CCDC77: variants seen among roughly 807,000 people sequenced by gnomAD.
CCDC77 encodes coiled-coil domain containing 77.
In CCDC77, 56 loss-of-function variants were observed where a neutral mutation model predicts 66.8. The ratio of observed to expected loss-of-function variants is 0.84; its 90% confidence interval spans 0.68 to 1.05. The LOEUF (loss-of-function observed/expected upper bound fraction) is 1.05. Among genes scored for constraint, CCDC77 ranks in the 50% least tolerant of loss-of-function variants. The pLI is 0.00. For missense variants in CCDC77, 570 were observed against 576.8 expected (o/e 0.99, Z 0.12); for synonymous variants, 196 against 195.2 (o/e 1.00, Z -0.03).
Position 438,511 on chromosome 12 carries a change from C to T in CCDC77, c.998C>T (p.Pro333Leu), listed in dbSNP as rs745822490. 1.2e-6 allele frequency: 2 copies of T among 1,613,784 alleles called. No individual in the cohort carries two copies. Among genetic ancestry groups the T allele is most frequent in the African/African-American group, 1.3e-5 (1 of 74,984 alleles). ...GAAGATAAAATTGGAAAAGTGTTGC[C>T]CGTTATGCATGAGAGTCACCATGCT... ...KKEDKIGKVL[P>L]VMHESHHAQS... The change falls in exon 10 of 13, where the codon CCC becomes CTC. Residue 333 changes from proline to leucine, a missense_variant. Pro to Leu is a moderately conservative substitution (Grantham distance 98). Coordinates refer to ENST00000239830, the MANE Select transcript of CCDC77 (RefSeq NM_032358.4).
At chr12:423,005 T>C (rs1945433890) in intron 5 of CCDC77, among the ~76,000 whole-genome samples, 1 of 152,116 alleles carries the variant, frequency 6.6e-6, no homozygotes, top group African/African-American at 2.4e-5. Context: ...GCCATACTAT[T>C]TTCCATAGTG....
At chr12:411,657 TGG>T in intron 3 of CCDC77, 88 bp from the exon 4 acceptor site, 1 of 1,062,014 alleles carries the variant, frequency 9.4e-7, no homozygotes, top group Non-Finnish European at 1.4e-6. Context: ...ATAAGCACTT[TGG>T]GAACACAAAA....
chr12:410,359 C>G (rs1945083292), intron 3 of CCDC77, among the ~76,000 whole-genome samples: 2 of 152,028 alleles, frequency 1.3e-5, no homozygotes, highest in Non-Finnish European at 2.9e-5. Context: ...CGTCTGCCTC[C>G]CAGATTCAAG....
intron 5 of CCDC77, among the ~76,000 whole-genome samples, chr12:427,116 G>A (rs570741881): frequency 3.9e-5 from 6 of 152,090 alleles, no homozygotes; most frequent in Admixed American, 6.5e-5. Flanking sequence ...ATTGTGGCAT[G>A]CGCCTGTAGT....
At chr12:404,066 C>G (rs1478161440) in intron 1 of CCDC77, among the ~76,000 whole-genome samples, 2 of 152,212 alleles carry the variant, frequency 1.3e-5, no homozygotes, top group Non-Finnish European at 2.9e-5. Flanking sequence ...CGCCTGTAAT[C>G]CCAACACTGG....
At chr12:415,284 T>G (rs1000994648) in intron 4 of CCDC77, among the ~76,000 whole-genome samples, 1 of 143,042 alleles carries the variant, frequency 7.0e-6, no homozygotes, top group African/African-American at 2.6e-5. Context: ...TAACATAATA[T>G]TATGTTAATA....
chr12:414,737 C>T (rs962114268), intron 4 of CCDC77, among the ~76,000 whole-genome samples: 1 of 152,132 alleles, frequency 6.6e-6, no homozygotes, highest in Non-Finnish European at 1.5e-5. Flanking sequence ...CTTCCAGTCC[C>T]CCTAAACCGA....
intron 2 of CCDC77, among the ~76,000 whole-genome samples, chr12:408,973 A>T (rs1945049980): frequency 6.6e-6 from 1 of 152,150 alleles, no homozygotes. Flanking sequence ...TGGGAGGCCG[A>T]GGCAGGTGGA....
chr12:406,388 TCTGAA>T (rs1239229608), intron 2 of CCDC77, among the ~76,000 whole-genome samples: 1 of 152,148 alleles, frequency 6.6e-6, no homozygotes, highest in African/African-American at 2.4e-5. Flanking sequence ...GTACGGGGAC[TCTGAA>T]GTAGAAGTGT....
rs111544508 is a variant in CCDC77 at position 409,381 on chromosome 12, A to G, written c.-3A>G. On this transcript the variant is annotated 5_prime_UTR_variant, in exon 3 of 13. Coordinates refer to ENST00000239830, the MANE Select transcript of CCDC77 (RefSeq NM_032358.4). ...TGTATTTGATAGGTGTGAAAAAGAC[A>G]GCATGAACTTTACCCCAACACACAC... 3 of 1,612,912 alleles carry G rather than the reference A, an allele frequency of 1.9e-6. No homozygotes were observed. Among genetic ancestry groups the G allele is most frequent in the Non-Finnish European group, 2.5e-6 (3 of 1,179,426 alleles).
At chr12:436,847 A>G (rs10848974) in intron 9 of CCDC77, 257,089 of 592,730 alleles carry the variant, frequency 0.43, 58,362 homozygotes, top group Non-Finnish European at 0.45. Flanking sequence ...CTTTCAAGCT[A>G]CTTGTATTTT....
At chr12:426,016 A>T (rs1252951793) in intron 5 of CCDC77, among the ~76,000 whole-genome samples, 3 of 152,120 alleles carry the variant, frequency 2.0e-5, no homozygotes, top group Admixed American at 2.0e-4. Context: ...AGCGCACGCT[A>T]TCACGCCCAG....
At chr12:410,969 G>C (rs2137547995) in intron 3 of CCDC77, among the ~76,000 whole-genome samples, 1 of 152,110 alleles carries the variant, frequency 6.6e-6, no homozygotes, top group East Asian at 1.9e-4. Context: ...TTAGAGACAA[G>C]GTGTTGCTAT....
intron 5 of CCDC77, among the ~76,000 whole-genome samples, chr12:423,105 CTT>C (rs59818456): frequency 8.2e-6 from 1 of 121,698 alleles, no homozygotes; most frequent in Non-Finnish European, 1.7e-5. Context: ...TTTTTTTTTT[CTT>C]TTAAGCCTTT....
chr12:394,114 T>A (rs549424293), intron 1 of CCDC77, among the ~76,000 whole-genome samples: 8 of 152,302 alleles, frequency 5.3e-5, no homozygotes, highest in African/African-American at 1.9e-4. Context: ...TTGTTTTCAT[T>A]GAAGAGATTG....
chr12:439,188 G>A lies in CCDC77; in HGVS notation c.1041+634G>A, dbSNP rs112616610. Among the ~76,000 whole-genome samples, 532 of 152,052 alleles carry A rather than the reference G, an allele frequency of 3.5e-3. 6 individuals are homozygous for A. Among genetic ancestry groups the A allele is most frequent in the African/African-American group, 0.012 (510 of 41,480 alleles). Reference sequence around the variant, plus strand: ...CCCTCATGGTGTTTACATTTTAATGGGTGAGAAAAAACAGAAACATTAGCA... The same window carrying A: ...CCCTCATGGTGTTTACATTTTAATGAGTGAGAAAAAACAGAAACATTAGCA... On this transcript the variant is annotated intron_variant, in intron 10 of 12. Coordinates refer to ENST00000239830, the MANE Select transcript of CCDC77 (RefSeq NM_032358.4).
chr12:404,470 C>T (rs1944955434), intron 1 of CCDC77, among the ~76,000 whole-genome samples: 1 of 152,116 alleles, frequency 6.6e-6, no homozygotes, highest in Non-Finnish European at 1.5e-5. Flanking sequence ...GGTTAGATGT[C>T]ATAGTAGAAG....
intron 4 of CCDC77, among the ~76,000 whole-genome samples, chr12:413,361 C>T (rs1003964602): frequency 1.3e-5 from 2 of 151,142 alleles, no homozygotes; most frequent in African/African-American, 4.9e-5. Flanking sequence ...CTCAGCCTCC[C>T]GAGTAGCTGG....
At chr12:389,517 C>T (rs1470938524) in intron 1 of CCDC77, 3 of 149,362 alleles carry the variant, frequency 2.0e-5, no homozygotes, top group Non-Finnish European at 2.7e-5. Context: ...ACAAGCTCTT[C>T]TTTACTAGAG....
Sources: gnomAD v4.1 joint callset for allele counts (sites outside exome capture counted in the v4.1 genomes callset) on GRCh38, gnomAD v4.1.1 for gene constraint, MANE v1.5 for transcripts, NCBI Gene and HGNC (gene_info 2026-07-23, HGNC 2026-07-21) for gene names.